Variants in AGAP1 observed in about 807,000 individuals in gnomAD.
The protein encoded by AGAP1 is arf-GAP with GTPase, ANK repeat and PH domain-containing protein 1.
Under a neutral mutation model 105.3 loss-of-function variants are expected in AGAP1, and 29 were observed. The ratio of observed to expected loss-of-function variants is 0.28; its 90% CI spans 0.21 to 0.38. The LOEUF (loss-of-function observed/expected upper bound fraction) is 0.38. Among genes scored for constraint, AGAP1 ranks in the 10% least tolerant of loss-of-function variants. The pLI is 1.00. For missense variants in AGAP1, 998 were observed against 1,165.1 expected (o/e 0.86, Z 2.09); for synonymous variants, 509 against 485.9 (o/e 1.05, Z -0.63).
rs112902738 is a variant in AGAP1, at chr2:235,601,919, C to T, written c.163+107070C>T. Among the ~76,000 whole-genome samples, 311 of 152,314 alleles carry T rather than the reference C, an allele frequency of 2.0e-3. No homozygotes were observed. The highest frequency in any genetic ancestry group is 7.1e-3 in the African/African-American group (296 of 41,560). On this transcript the variant is annotated intron_variant, in intron 1 of 17. Coordinates refer to ENST00000304032, the MANE Select transcript of AGAP1 (RefSeq NM_001037131.3). This position sits in a 1 kb window ranked among gnomAD's most constrained non-coding sequence, Gnocchi z 4.4. ...CTGCAGTAACCTCTTAGCGGGCCTC[C>T]GTGCCCCATCCCAAAAGGTCCATTC...
At chr2:235,935,121 A>G (rs1206009370) in intron 12 of AGAP1, among the ~76,000 whole-genome samples, 2 of 152,302 alleles carry the variant, frequency 1.3e-5, no homozygotes, top group South Asian at 2.1e-4. Flanking sequence ...CTTTATGACT[A>G]TTACTGTTGT....
In AGAP1 at chr2:235,888,222, A is replaced by T. The variant is rs1156254495; in HGVS notation, c.1155+4773A>T. On this transcript the variant is annotated intron_variant, in intron 10 of 17. Coordinates refer to ENST00000304032, the MANE Select transcript of AGAP1 (RefSeq NM_001037131.3). The surrounding 1 kb of genome is among the most constrained non-coding windows in gnomAD (Gnocchi z 4.8). ...CAGGGGGCGGGGGAGCGGGTAGTTCAGGAGGATCTCAGGATTATTTGTTCT... is the reference window on the plus strand; with the variant it reads ...CAGGGGGCGGGGGAGCGGGTAGTTCTGGAGGATCTCAGGATTATTTGTTCT... Among the ~76,000 whole-genome samples, 2 of 152,176 alleles carry T rather than the reference A, an allele frequency of 1.3e-5. No homozygotes were observed. Among genetic ancestry groups the T allele is most frequent in the South Asian group, 2.1e-4 (1 of 4,828 alleles).
At chr2:235,536,557 G>A (rs946197264) in intron 1 of AGAP1, among the ~76,000 whole-genome samples, 3 of 141,374 alleles carry the variant, frequency 2.1e-5, no homozygotes, top group Non-Finnish European at 4.6e-5. Flanking sequence ...CAGGACCCCC[G>A]GGTTTGTGTG....
At position 235,577,075 on chromosome 2, in the gene AGAP1, C is replaced by A. The variant is rs532054957; in HGVS notation, c.163+82226C>A. 6.6e-6 allele frequency among the ~76,000 whole-genome samples: 1 copy of A among 152,322 alleles called. No homozygotes were observed. Among genetic ancestry groups the A allele is most frequent in the South Asian group, 2.1e-4 (1 of 4,820 alleles). ...TTTCTGTTGTCCTGAAATATCAGGC[C>A]TTCCTGAACCCCCTTGTACCTCTGT... On this transcript the variant is annotated intron_variant, in intron 1 of 17. Transcript: ENST00000304032. The surrounding 1 kb of genome is among the most constrained non-coding windows in gnomAD (Gnocchi z 4.5).
chr2:235,783,606 G>C (rs1466039140), intron 6 of AGAP1, among the ~76,000 whole-genome samples: 2 of 152,174 alleles, frequency 1.3e-5, no homozygotes, highest in Non-Finnish European at 2.9e-5. Context: ...AAAACATTAT[G>C]CTCTGTGGAA....
intron 9 of AGAP1, 66 bp downstream of exon 9, chr2:235,807,397 A>T: frequency 7.0e-7 from 1 of 1,438,664 alleles, no homozygotes; most frequent in Non-Finnish European, 9.4e-7. Context: ...CCTGGAGATG[A>T]TGCTGGCTCT....
At chr2:236,006,311 G>A (rs887249019) in intron 13 of AGAP1, among the ~76,000 whole-genome samples, 5 of 152,004 alleles carry the variant, frequency 3.3e-5, no homozygotes, top group Non-Finnish European at 4.4e-5. Context: ...TCTTAGAATC[G>A]GCTGTTTCCC....
chr2:235,597,739 C>T (rs1378013957), intron 1 of AGAP1, among the ~76,000 whole-genome samples: 2 of 150,366 alleles, frequency 1.3e-5, no homozygotes, highest in Non-Finnish European at 3.0e-5. Context: ...GTGGAGCGTG[C>T]ACGCGCTCCC....
intron 12 of AGAP1, among the ~76,000 whole-genome samples, chr2:235,941,294 G>A (rs754552778): frequency 1.3e-5 from 2 of 152,130 alleles, no homozygotes; most frequent in Non-Finnish European, 2.9e-5. Context: ...TAAATTAATA[G>A]GGATTATGTA....
chr2:235,639,721 CT>C lies in AGAP1; in HGVS notation c.164-69457del, dbSNP rs1947127671. Among the ~76,000 whole-genome samples, 2 of 152,188 alleles carry C rather than the reference CT, an allele frequency of 1.3e-5. No homozygotes were observed. On this transcript the variant is annotated intron_variant, in intron 1 of 17. Transcript: ENST00000304032. This position sits in a 1 kb window ranked among gnomAD's most constrained non-coding sequence, Gnocchi z 5.3. ...AGTGGCAGCGCTTGCCTCGCTGCAT[CT>C]CGTGTTCTCAAAATCAGCACATGCC...
At chr2:236,110,657 T>C (rs1222581925) in intron 16 of AGAP1, among the ~76,000 whole-genome samples, 1 of 152,242 alleles carries the variant, frequency 6.6e-6, no homozygotes, top group Non-Finnish European at 1.5e-5. Flanking sequence ...CTAGTCTGCA[T>C]AACAGAGTTT....
intron 1 of AGAP1, among the ~76,000 whole-genome samples, chr2:235,624,069 C>T (rs1296799154): frequency 6.6e-6 from 1 of 152,226 alleles, no homozygotes; most frequent in Non-Finnish European, 1.5e-5. Context: ...AATATCAGCT[C>T]TGCAGCCACC....
In AGAP1 at chr2:236,090,386, A is replaced by G. The variant is rs2125867187; in HGVS notation, c.2115-29806A>G. On this transcript the variant is annotated intron_variant, in intron 16 of 17. Transcript: ENST00000304032. This position sits in a 1 kb window ranked among gnomAD's most constrained non-coding sequence, Gnocchi z 4.3. Reference sequence around the variant, plus strand: ...CTCTGGTTTTTGAGACGCACACTCAAGAGTCACAAATTAGAAAATAATATT... The same window carrying G: ...CTCTGGTTTTTGAGACGCACACTCAGGAGTCACAAATTAGAAAATAATATT... 2.6e-5 allele frequency among the ~76,000 whole-genome samples: 4 copies of G among 152,352 alleles called. No homozygotes were observed. In the South Asian group the frequency reaches 8.3e-4, roughly 32 times the overall value.
chr2:235,539,906 G>A (rs1339776515), intron 1 of AGAP1, among the ~76,000 whole-genome samples: 2 of 152,104 alleles, frequency 1.3e-5, no homozygotes, highest in South Asian at 4.1e-4. Context: ...CTTTTAGTCT[G>A]GGGCAAGGAA....
Position 235,550,579 on chromosome 2 carries a change from C to T in AGAP1, c.163+55730C>T, listed in dbSNP as rs913056760. Among the ~76,000 whole-genome samples, 3 of 152,158 alleles carry T rather than the reference C, an allele frequency of 2.0e-5. No homozygotes were observed. The highest frequency in any genetic ancestry group is 4.8e-5 in the African/African-American group (2 of 41,430). ...AGAGTTGATGAGGGTCTGCAGGCGTCGGTCTGGGAGCCACAGACAGGTGTG... is the reference window on the plus strand; with the variant it reads ...AGAGTTGATGAGGGTCTGCAGGCGTTGGTCTGGGAGCCACAGACAGGTGTG... On this transcript the variant is annotated intron_variant, in intron 1 of 17. Coordinates refer to ENST00000304032, the MANE Select transcript of AGAP1 (RefSeq NM_001037131.3). The surrounding 1 kb of genome is among the most constrained non-coding windows in gnomAD (Gnocchi z 4.6).
chr2:236,085,625 T>C (rs954975188), intron 16 of AGAP1, among the ~76,000 whole-genome samples: 9 of 152,156 alleles, frequency 5.9e-5, no homozygotes, highest in African/African-American at 2.2e-4. Context: ...CCTCCCCATC[T>C]CCAGACAGCC....
At chr2:235,808,890 T>C (rs1957982383) in intron 9 of AGAP1, among the ~76,000 whole-genome samples, 1 of 152,198 alleles carries the variant, frequency 6.6e-6, no homozygotes, top group Non-Finnish European at 1.5e-5. Flanking sequence ...CATAGTTGCT[T>C]ATTCTTTCTT....
intron 3 of AGAP1, among the ~76,000 whole-genome samples, chr2:235,722,484 G>T (rs1951438250): frequency 6.6e-6 from 1 of 152,172 alleles, no homozygotes; most frequent in Non-Finnish European, 1.5e-5. Flanking sequence ...AGAGCTTCTG[G>T]TGGCTGTCAG....
Position 236,124,450 on chromosome 2 carries a change from G to A in AGAP1, c.*328G>A, listed in dbSNP as rs1028186897. 1.4e-5 allele frequency: 5 copies of A among 346,352 alleles called. No homozygotes were observed. The highest frequency in any genetic ancestry group is 3.9e-5 in the South Asian group (1 of 25,954). The allele number at this position is 346,352 out of a possible 1,614,324, so 21.5% of individuals were successfully genotyped here. On this transcript the variant is annotated 3_prime_UTR_variant, in exon 18 of 18. Coordinates refer to ENST00000304032, the MANE Select transcript of AGAP1 (RefSeq NM_001037131.3). The surrounding 1 kb of genome is among the most constrained non-coding windows in gnomAD (Gnocchi z 5.1). ...CTGGTGGCACAAGGGATGGGGACGCGAGGGGGAGGGGAGGCGAGGAACAAG... is the reference window on the plus strand; with the variant it reads ...CTGGTGGCACAAGGGATGGGGACGCAAGGGGGAGGGGAGGCGAGGAACAAG...
Sources: allele counts gnomAD v4.1 joint callset (sites outside exome capture counted in the v4.1 genomes callset), GRCh38; gene constraint gnomAD v4.1.1; non-coding constraint Gnocchi (gnomAD v3.1); transcripts MANE v1.5; gene names NCBI Gene and HGNC (gene_info 2026-07-23, HGNC 2026-07-21).